TMEM200A: variants seen among roughly 807,000 people sequenced by gnomAD.
TMEM200A encodes the protein two transmembrane C.
TMEM200A carries 12 observed loss-of-function variants against 24.3 expected under a neutral mutation model. The observed-to-expected ratio is 0.49, with a 90% CI of 0.32 to 0.80. The LOEUF (loss-of-function observed/expected upper bound fraction) is 0.80. TMEM200A is among the 30% of genes least tolerant of loss of function. The pLI, the probability that TMEM200A is intolerant of heterozygous loss-of-function variation, is 0.04. For missense variants in TMEM200A, 545 were observed against 614.4 expected, an observed-to-expected ratio of 0.89 and a Z score of 1.19; for synonymous variants, 224 against 224.4, an observed-to-expected ratio of 1.00 and a Z score of 0.02.
chr6:130,441,328 G>C lies in TMEM200A; in HGVS notation c.906G>C (p.Glu302Asp). 1 of 1,614,050 alleles carries C rather than the reference G, an allele frequency of 6.2e-7. No individual in the cohort carries two copies. Reference sequence around the variant, plus strand: ...AACTTAATAACTGTGTTATTGATGAGCCCAGTATAGATAACATCACTGAAG... The same window carrying C: ...AACTTAATAACTGTGTTATTGATGACCCCAGTATAGATAACATCACTGAAG... ...VIKLNNCVID[E>D]PSIDNITEDA... The change falls in exon 3 of 3, where the codon GAG becomes GAC. Residue 302 changes from glutamate (E) to aspartate (D), a missense_variant. Glu to Asp is a conservative substitution (Grantham distance 45). Transcript: ENST00000296978.
At chr6:130,394,083 T>C (rs930265331) in intron 2 of TMEM200A, among the ~76,000 whole-genome samples, 5 of 152,176 alleles carry the variant, frequency 3.3e-5, no homozygotes, top group African/African-American at 1.2e-4. Flanking sequence ...AGTGATTCAA[T>C]ATACTGTACT....
intron 2 of TMEM200A, among the ~76,000 whole-genome samples, chr6:130,434,532 A>T (rs144687728): frequency 8.5e-5 from 13 of 152,308 alleles, no homozygotes; most frequent in African/African-American, 3.1e-4. Flanking sequence ...AACTTCTGTG[A>T]GTGTGAGAAT....
chr6:130,401,261 T>C (rs1779075633), intron 2 of TMEM200A, among the ~76,000 whole-genome samples: 1 of 151,980 alleles, frequency 6.6e-6, no homozygotes. Flanking sequence ...CAGCAGTAAA[T>C]TATTATTTTT....
At chr6:130,372,076 G>A (rs889991871) in intron 1 of TMEM200A, among the ~76,000 whole-genome samples, 2 of 152,152 alleles carry the variant, frequency 1.3e-5, no homozygotes. Flanking sequence ...TGACTTGCCC[G>A]AGCTCCTGGA....
intron 2 of TMEM200A, among the ~76,000 whole-genome samples, chr6:130,420,074 C>A (rs888345497): frequency 2.6e-5 from 4 of 152,110 alleles, no homozygotes; most frequent in African/African-American, 9.7e-5. Context: ...CTCCTAAAGG[C>A]CTCACTTCTT....
At chr6:130,426,316 G>A (rs9492587) in intron 2 of TMEM200A, among the ~76,000 whole-genome samples, 51,210 of 152,016 alleles carry the variant, frequency 0.34, 12,539 homozygotes, top group African/African-American at 0.69. Flanking sequence ...TGTGCAGCAC[G>A]CAAAAGATGA....
intron 2 of TMEM200A, among the ~76,000 whole-genome samples, chr6:130,414,497 C>T (rs1431605942): frequency 2.0e-5 from 3 of 151,256 alleles, no homozygotes; most frequent in African/African-American, 7.3e-5. Context: ...ACTTTAAAAC[C>T]CTGGAAGAAG....
At chr6:130,402,445 G>A (rs1779111901) in intron 2 of TMEM200A, among the ~76,000 whole-genome samples, 1 of 151,936 alleles carries the variant, frequency 6.6e-6, no homozygotes, top group Non-Finnish European at 1.5e-5. Context: ...GACCCACAAA[G>A]GAACCTTTTA....
At chr6:130,388,346 G>A (rs1050699911) in intron 2 of TMEM200A, among the ~76,000 whole-genome samples, 8 of 152,142 alleles carry the variant, frequency 5.3e-5, no homozygotes, top group Non-Finnish European at 1.2e-4. Flanking sequence ...TACAACATTA[G>A]GATATTAGCT....
At chr6:130,431,229 T>C (rs1779867510) in intron 2 of TMEM200A, among the ~76,000 whole-genome samples, 1 of 152,116 alleles carries the variant, frequency 6.6e-6, no homozygotes, top group African/African-American at 2.4e-5. Context: ...TCACCGGAAA[T>C]GATATTAATA....
At chr6:130,437,769 C>T (rs754518934) in intron 2 of TMEM200A, 8 of 152,082 alleles carry the variant, frequency 5.3e-5, no homozygotes, top group Non-Finnish European at 1.0e-4. Context: ...TCTTTACATG[C>T]TCACATGCAA....
At chr6:130,367,375 T>C (rs1778205454) in intron 1 of TMEM200A, among the ~76,000 whole-genome samples, 2 of 152,218 alleles carry the variant, frequency 1.3e-5, no homozygotes, top group South Asian at 4.1e-4. Flanking sequence ...ATTTCAAGAA[T>C]CGATGATTAT....
chr6:130,433,263 AG>A (rs1211392018), intron 2 of TMEM200A, among the ~76,000 whole-genome samples: 19 of 151,312 alleles, frequency 1.3e-4, no homozygotes, highest in African/African-American at 4.6e-4. Flanking sequence ...CAGCCTCCTG[AG>A]TAGCTGGGAT....
intron 1 of TMEM200A, among the ~76,000 whole-genome samples, chr6:130,371,951 G>T (rs927108654): frequency 7.9e-5 from 12 of 152,200 alleles, no homozygotes; most frequent in Non-Finnish European, 1.8e-4. Context: ...AAGGCCATGC[G>T]CCTTAGATAC....
intron 1 of TMEM200A, among the ~76,000 whole-genome samples, chr6:130,369,329 T>C (rs1778259232): frequency 6.6e-6 from 1 of 152,172 alleles, no homozygotes; most frequent in South Asian, 2.1e-4. Flanking sequence ...CCACTGCCTT[T>C]CTGCAGGATT....
chr6:130,388,861 A>T (rs1228310397), intron 2 of TMEM200A, among the ~76,000 whole-genome samples: 1 of 152,196 alleles, frequency 6.6e-6, no homozygotes, highest in South Asian at 2.1e-4. Flanking sequence ...AACTCATGAC[A>T]TTTGGCACAT....
At chr6:130,395,505 T>A (rs562998474) in intron 2 of TMEM200A, among the ~76,000 whole-genome samples, 2 of 152,328 alleles carry the variant, frequency 1.3e-5, no homozygotes, top group South Asian at 4.1e-4. Flanking sequence ...TCGAAACAAC[T>A]AATTTGAGGT....
intron 2 of TMEM200A, among the ~76,000 whole-genome samples, chr6:130,415,424 T>G (rs1779427061): frequency 6.6e-6 from 1 of 152,174 alleles, no homozygotes; most frequent in Non-Finnish European, 1.5e-5. Flanking sequence ...TGTGCTTGAC[T>G]TGCCAATAAC....
At chr6:130,413,662 A>C (rs1339455230) in intron 2 of TMEM200A, among the ~76,000 whole-genome samples, 1 of 150,380 alleles carries the variant, frequency 6.6e-6, no homozygotes, top group Non-Finnish European at 1.5e-5. Flanking sequence ...TCTTGCTTCC[A>C]TTCTTGCCAC....
Sources: gnomAD v4.1 joint callset for allele counts (sites outside exome capture counted in the v4.1 genomes callset) on GRCh38, gnomAD v4.1.1 for gene constraint, MANE v1.5 for transcripts, NCBI Gene and HGNC (gene_info 2026-07-23, HGNC 2026-07-21) for gene names.